CSMD1: variants seen among roughly 807,000 people sequenced by gnomAD.
CSMD1 encodes CUB and Sushi multiple domains 1, also known as CUB and sushi domain-containing protein 1.
A neutral mutation model predicts 417.5 loss-of-function variants in CSMD1; 213 were observed. That is an observed-to-expected ratio of 0.51 (90% CI 0.46 to 0.57). The LOEUF is 0.57. CSMD1 is among the 20% of genes least tolerant of loss of function. The pLI, the probability that CSMD1 is intolerant of heterozygous loss-of-function variation, is 0.00. For synonymous variants in CSMD1, 2,862 were observed against 1,736.8 expected (o/e 1.65, Z -16.11); for missense variants, 6,923 against 4,529.7 (o/e 1.53, Z -15.17).
At chr8:4,439,300 A>C (rs1412570518) in intron 2 of CSMD1, among the ~76,000 whole-genome samples, 4 of 152,208 alleles carry the variant, frequency 2.6e-5, no homozygotes, top group Non-Finnish European at 5.9e-5. Context: ...ACTGCTGCCA[A>C]AATTACCTTG....
chr8:3,105,384 C>T (rs1172819742), intron 46 of CSMD1, among the ~76,000 whole-genome samples: 1 of 152,204 alleles, frequency 6.6e-6, no homozygotes, highest in Non-Finnish European at 1.5e-5. Flanking sequence ...CTGCACTTCA[C>T]TATGATTTTG....
At chr8:4,782,572 A>G (rs980342726) in intron 1 of CSMD1, among the ~76,000 whole-genome samples, 1 of 152,154 alleles carries the variant, frequency 6.6e-6, no homozygotes, top group Non-Finnish European at 1.5e-5. Context: ...CTGAGCTTAG[A>G]AACACCTACA....
intron 3 of CSMD1, among the ~76,000 whole-genome samples, chr8:4,246,228 G>C (rs1173870124): frequency 6.6e-6 from 1 of 152,114 alleles, no homozygotes; most frequent in Non-Finnish European, 1.5e-5. Flanking sequence ...GTGTGTTCAT[G>C]AGCTCTCATC....
chr8:3,199,063 AT>A (rs1796853502), intron 33 of CSMD1, among the ~76,000 whole-genome samples: 1 of 152,202 alleles, frequency 6.6e-6, no homozygotes, highest in Non-Finnish European at 1.5e-5. Flanking sequence ...TTATGTGGTC[AT>A]TTTTTCAATG....
intron 5 of CSMD1, among the ~76,000 whole-genome samples, chr8:3,978,327 C>G (rs1463474184): frequency 6.6e-6 from 1 of 152,192 alleles, no homozygotes; most frequent in Non-Finnish European, 1.5e-5. Context: ...CCACATGGCT[C>G]TCTTTTTTCC....
intron 1 of CSMD1, among the ~76,000 whole-genome samples, chr8:4,969,426 C>G (rs1003202346): frequency 7.9e-5 from 12 of 151,758 alleles, no homozygotes; most frequent in African/African-American, 2.7e-4. Flanking sequence ...TAGCATGCAT[C>G]ATCTATAGGA....
chr8:3,919,002 C>A (rs1809030262), intron 5 of CSMD1, among the ~76,000 whole-genome samples: 1 of 151,804 alleles, frequency 6.6e-6, no homozygotes. Context: ...TAACCAAATA[C>A]CACCTGCTCC....
At chr8:4,925,845 C>A (rs1482053287) in intron 1 of CSMD1, among the ~76,000 whole-genome samples, 1 of 152,190 alleles carries the variant, frequency 6.6e-6, no homozygotes, top group Non-Finnish European at 1.5e-5. Flanking sequence ...TCGCGCCTGG[C>A]CTCTATCTGG....
intron 1 of CSMD1, among the ~76,000 whole-genome samples, chr8:4,859,809 G>C (rs566680324): frequency 1.0e-3 from 154 of 152,200 alleles, no homozygotes; most frequent in African/African-American, 3.0e-3. Flanking sequence ...GACACTGTTG[G>C]TGGGACTGTA....
At chr8:3,295,733 T>C (rs927334687) in intron 25 of CSMD1, among the ~76,000 whole-genome samples, 2 of 152,186 alleles carry the variant, frequency 1.3e-5, no homozygotes, top group Non-Finnish European at 2.9e-5. Flanking sequence ...GAATACCTGA[T>C]TACCGTCAGA....
chr8:3,159,296 T>A (rs943018907), intron 38 of CSMD1, among the ~76,000 whole-genome samples: 4 of 152,312 alleles, frequency 2.6e-5, no homozygotes, highest in African/African-American at 9.6e-5. Context: ...GCTACAAGTT[T>A]TCTAATAAAT....
At position 3,997,975 on chromosome 8, in the gene CSMD1, A is replaced by G. The variant is rs767645845; in HGVS notation, c.746T>C (p.Val249Ala). Residue 249 changes from valine (V) to alanine (A), a missense_variant, in exon 5 of 70, where the codon GTC becomes GCC. By Grantham distance (64) the Val-to-Ala change is moderately conservative. Coordinates refer to ENST00000635120, the MANE Select transcript of CSMD1 (RefSeq NM_033225.6). ...TTCTTCTAGCTGAAAGTCAGTGAAG[A>G]CCAGCGCAATGGTGTCCCCGGGCTC... is the stretch of plus-strand genomic sequence containing the variant. ...LAEPGDTIAL[V>A]FTDFQLEEGY... is the part of the protein sequence containing the mutation. 1 of 1,611,288 alleles carries G rather than the reference A, an allele frequency of 6.2e-7. No homozygotes were observed. The highest frequency in any genetic ancestry group is 1.1e-5 in the South Asian group (1 of 90,316).
intron 12 of CSMD1, among the ~76,000 whole-genome samples, chr8:3,428,282 G>C (rs977978829): frequency 1.3e-5 from 2 of 152,138 alleles, no homozygotes; most frequent in Non-Finnish European, 2.9e-5. Context: ...CAAACAAACG[G>C]CTCTGCAGCC....
intron 17 of CSMD1, among the ~76,000 whole-genome samples, chr8:3,393,933 A>C (rs893493181): frequency 6.8e-6 from 1 of 147,490 alleles, no homozygotes; most frequent in Admixed American, 6.9e-5. Flanking sequence ...GCACATGTAT[A>C]CATATGTAAC....
chr8:3,425,263 C>A (rs965232425), intron 12 of CSMD1, among the ~76,000 whole-genome samples: 5 of 152,132 alleles, frequency 3.3e-5, no homozygotes, highest in Non-Finnish European at 7.3e-5. Context: ...GAGCTTATCT[C>A]CTTGGGACAA....
At chr8:4,208,965 G>C (rs1030461522) in intron 3 of CSMD1, among the ~76,000 whole-genome samples, 3 of 152,164 alleles carry the variant, frequency 2.0e-5, no homozygotes, top group African/African-American at 7.2e-5. Context: ...GCAATTTAGA[G>C]CTGAAAAACC....
intron 1 of CSMD1, among the ~76,000 whole-genome samples, chr8:4,941,142 C>A (rs967644769): frequency 5.3e-5 from 8 of 152,098 alleles, no homozygotes; most frequent in South Asian, 4.2e-4. Context: ...ATTGGTTTTA[C>A]AATAAATTGG....
At chr8:3,146,117 T>C (rs1479848048) in intron 40 of CSMD1, among the ~76,000 whole-genome samples, 1 of 152,220 alleles carries the variant, frequency 6.6e-6, no homozygotes, top group South Asian at 2.1e-4. Context: ...CCTATGTTTC[T>C]AGAAAGTCTG....
chr8:3,469,645 T>C (rs904245357), intron 11 of CSMD1, among the ~76,000 whole-genome samples: 1 of 152,172 alleles, frequency 6.6e-6, no homozygotes, highest in African/African-American at 2.4e-5. Flanking sequence ...CCTAATCAAA[T>C]AGGAAGCTTG....
Sources: gnomAD v4.1 joint callset for allele counts (sites outside exome capture counted in the v4.1 genomes callset) on GRCh38, gnomAD v4.1.1 for gene constraint, MANE v1.5 for transcripts, NCBI Gene and HGNC (gene_info 2026-07-23, HGNC 2026-07-21) for gene names.